TSHR: variants seen among roughly 807,000 people sequenced by gnomAD.
TSHR encodes thyroid stimulating hormone receptor, also known as thyrotropin receptor.
TSHR carries 51 observed loss-of-function variants against 64.1 expected under a neutral mutation model. The ratio of observed to expected loss-of-function variants is 0.80; its 90% CI spans 0.64 to 1.01. The LOEUF is 1.01. TSHR is among the 50% of genes least tolerant of loss of function. The pLI is 0.00. For missense variants in TSHR, 877 were observed against 942.8 expected (o/e 0.93, Z 0.91); for synonymous variants, 361 against 361.9 (o/e 1.00, Z 0.03).
chr14:81,043,502 C>A (rs751687641), intron 1 of TSHR, among the ~76,000 whole-genome samples: 31 of 152,318 alleles, frequency 2.0e-4, no homozygotes, highest in Middle Eastern at 6.8e-3. Flanking sequence ...TGAAAATGGT[C>A]ATACTGCCCA....
At chr14:81,085,187 C>T (rs1888199431) in intron 3 of TSHR, among the ~76,000 whole-genome samples, 1 of 152,178 alleles carries the variant, frequency 6.6e-6, no homozygotes, top group South Asian at 2.1e-4. Context: ...GTCTTGAACT[C>T]CTGACCTCAA....
chr14:81,120,106 C>G (rs1019028348), intron 8 of TSHR, among the ~76,000 whole-genome samples: 7 of 145,126 alleles, frequency 4.8e-5, no homozygotes, highest in Non-Finnish European at 9.0e-5. Context: ...GTGCAGCGCA[C>G]CAGCATGGCA....
intron 1 of TSHR, chr14:81,013,337 T>C (rs907757738): frequency 2.0e-5 from 3 of 152,246 alleles, no homozygotes; most frequent in African/African-American, 7.2e-5. Context: ...CTGTTTTGGT[T>C]ACTGTAGCCT....
intron 1 of TSHR, among the ~76,000 whole-genome samples, chr14:81,061,887 C>T (rs1886271086): frequency 6.6e-6 from 1 of 152,050 alleles, no homozygotes; most frequent in African/African-American, 2.4e-5. Context: ...CGAGGCAAGA[C>T]ATATTAGTTT....
intron 1 of TSHR, chr14:81,014,385 G>A (rs1339978188): frequency 6.6e-6 from 1 of 152,204 alleles, no homozygotes; most frequent in South Asian, 2.1e-4. Context: ...TCAGAATCCA[G>A]AATGGTGGGA....
chr14:81,000,808 T>C (rs954482056), intron 1 of TSHR, among the ~76,000 whole-genome samples: 2 of 152,188 alleles, frequency 1.3e-5, no homozygotes, highest in African/African-American at 4.8e-5. Flanking sequence ...AATGAATTAA[T>C]TAAGAGGGGA....
At chr14:81,086,653 C>T (rs898768699) in intron 3 of TSHR, among the ~76,000 whole-genome samples, 2 of 152,084 alleles carry the variant, frequency 1.3e-5, no homozygotes, top group Admixed American at 1.3e-4. Context: ...AACTATGGCT[C>T]AAAGAGGCCA....
intron 8 of TSHR, among the ~76,000 whole-genome samples, chr14:81,121,942 C>CA (rs2140066389): frequency 8.2e-6 from 1 of 121,816 alleles, no homozygotes; most frequent in Non-Finnish European, 1.7e-5. Context: ...GACTCTGTCT[C>CA]AAAAAAATAA....
intron 8 of TSHR, among the ~76,000 whole-genome samples, chr14:81,127,682 A>T (rs1490583944): frequency 6.6e-6 from 1 of 152,070 alleles, no homozygotes; most frequent in Non-Finnish European, 1.5e-5. Context: ...ACAAAATCTG[A>T]TCGTTTTATA....
intron 2 of TSHR, 69 bp downstream of exon 2, chr14:81,062,288 G>GA: frequency 8.4e-7 from 1 of 1,187,630 alleles, no homozygotes; most frequent in Non-Finnish European, 1.2e-6. Flanking sequence ...GTTCTATCAA[G>GA]AAAAATACTT....
chr14:80,980,544 G>A (rs1329996846), intron 1 of TSHR, among the ~76,000 whole-genome samples: 2 of 152,074 alleles, frequency 1.3e-5, no homozygotes, highest in Non-Finnish European at 2.9e-5. Context: ...TTTCATCTTT[G>A]ACTTTTATTT....
rs748980987 is a variant in TSHR, at chr14:81,092,543, C to A, written c.480C>A (p.Asp160Glu). 11 of 1,614,076 alleles carry A rather than the reference C, an allele frequency of 6.8e-6. No homozygotes were observed. The Admixed American group carries it at 1.7e-4, about 24-fold the overall frequency. The change falls in exon 6 of 10, where the codon GAC (aspartate) becomes GAA (glutamate). Residue 160 changes from aspartate (D) to glutamate (E), a missense_variant. By Grantham distance (45) the Asp-to-Glu change is conservative. Transcript: ENST00000298171. ...TDIFFILEITDNPYMTSIPVN... is the reference protein window; with the variant it reads ...TDIFFILEITENPYMTSIPVN... ...CTCTCTCTTGCAGTGAAATTACAGA[C>A]AACCCTTACATGACGTCAATCCCTG...
intron 8 of TSHR, 42 bp downstream of exon 8, chr14:81,108,494 C>CTTTTTTTTTT: frequency 2.2e-6 from 3 of 1,345,710 alleles, no homozygotes; most frequent in Non-Finnish European, 2.0e-6. Context: ...CTTTTTTTTT[C>CTTTTTTTTTT]TTTTTTTTTT....
At position 81,144,000 on chromosome 14, in the gene TSHR, A is replaced by G. The variant is rs1595179448; in HGVS notation, c.1942A>G (p.Ile648Val). Residue 648 changes from isoleucine to valine, a missense_variant, in exon 10 of 10, where the codon ATT (isoleucine) becomes GTT (valine). Ile to Val is a conservative substitution (Grantham distance 29). Transcript: ENST00000298171. ...APISFYALSA[I>V]LNKPLITVSN... ...AATCTCATTCTATGCTCTGTCAGCA[A>G]TTCTGAACAAGCCTCTCATCACTGT... 3 of 1,614,148 alleles carry G rather than the reference A, an allele frequency of 1.9e-6. No individual in the cohort carries two copies. Among genetic ancestry groups the G allele is most frequent in the East Asian group, 2.2e-5 (1 of 44,874 alleles).
chr14:81,096,923 GGTGTGTGTGT>G (rs147149121), intron 7 of TSHR, among the ~76,000 whole-genome samples: 7 of 148,410 alleles, frequency 4.7e-5, no homozygotes, highest in South Asian at 2.2e-4. Flanking sequence ...TTTTCTCCCT[GGTGTGTGTGT>G]GTGTGTGTGT....
intron 1 of TSHR, among the ~76,000 whole-genome samples, chr14:81,059,087 C>T (rs1386988817): frequency 7.9e-5 from 12 of 152,194 alleles, no homozygotes; most frequent in Non-Finnish European, 5.9e-5. Context: ...ATGAGGCATC[C>T]ACATATTACA....
chr14:81,078,781 A>G (rs893953591), intron 3 of TSHR: 1 of 152,156 alleles, frequency 6.6e-6, no homozygotes, highest in Non-Finnish European at 1.5e-5. Flanking sequence ...CCTTCTAGCA[A>G]TTCCCATCAA....
chr14:81,096,718 G>C lies in TSHR; in HGVS notation c.614+11G>C. 6.2e-7 allele frequency: 1 copy of C among 1,612,924 alleles called. No individual in the cohort carries two copies. Among genetic ancestry groups the C allele is most frequent in the Non-Finnish European group, 8.5e-7 (1 of 1,179,248 alleles). ...AAAGCTGGATGCTGTGTAAGTCAAG[G>C]GTAGCCATGAAAACTGTCACTTTCC... On this transcript the variant is annotated intron_variant, in intron 7 of 9. Transcript: ENST00000298171.
At chr14:81,029,401 G>A (rs949333962) in intron 1 of TSHR, among the ~76,000 whole-genome samples, 1 of 152,078 alleles carries the variant, frequency 6.6e-6, no homozygotes, top group Non-Finnish European at 1.5e-5. Flanking sequence ...CATATAGCAT[G>A]ATAGTGAAGG....
Sources: gnomAD v4.1 joint callset for allele counts (sites outside exome capture counted in the v4.1 genomes callset) on GRCh38, gnomAD v4.1.1 for gene constraint, MANE v1.5 for transcripts, NCBI Gene and HGNC (gene_info 2026-07-23, HGNC 2026-07-21) for gene names.